The following IGF1R variants were observed in gnomAD, a reference collection of about 807,000 sequenced individuals.
IGF1R encodes insulin-like growth factor 1 receptor.
Under a neutral mutation model 144.6 loss-of-function variants are expected in IGF1R, and 44 were observed. That is an observed-to-expected ratio of 0.30 (90% CI 0.24 to 0.39). The LOEUF is 0.39. Ranked by LOEUF, IGF1R falls within the 10% of genes least tolerant of loss-of-function variation. The probability of loss-of-function intolerance (pLI) is 1.00; values close to 1 mark genes in which losing one functional copy is unlikely to be tolerated. For missense variants in IGF1R, 1,355 were observed against 1,833.7 expected, an observed-to-expected ratio of 0.74 and a Z score of 4.77; for synonymous variants, 795 against 722.8, an observed-to-expected ratio of 1.10 and a Z score of -1.60.
intron 10 of IGF1R, 46 bp from the exon 11 acceptor site, chr15:98,922,102 A>G (rs1042973731): frequency 4.4e-6 from 7 of 1,605,564 alleles, no homozygotes; most frequent in Non-Finnish European, 6.0e-6. Flanking sequence ...AGAAAAGACA[A>G]AAGAGGTAAA....
chr15:98,912,997 T>C, intron 7 of IGF1R, 47 bp from the exon 8 acceptor site: 1 of 1,363,062 alleles, frequency 7.3e-7, no homozygotes, highest in South Asian at 1.2e-5. Context: ...TTTTGAGGGT[T>C]TTGATGTCAG....
chr15:98,884,845 T>C (rs1308505032), intron 2 of IGF1R, among the ~76,000 whole-genome samples: 2 of 152,128 alleles, frequency 1.3e-5, no homozygotes, highest in African/African-American at 4.8e-5. Context: ...TAAAATAGTA[T>C]TTTTCCTCTT....
chr15:98,745,334 C>G (rs745642428), intron 2 of IGF1R, among the ~76,000 whole-genome samples: 1 of 152,236 alleles, frequency 6.6e-6, no homozygotes, highest in Non-Finnish European at 1.5e-5. Flanking sequence ...ACTAGCCGCA[C>G]TAAGCACTTC....
intron 2 of IGF1R, among the ~76,000 whole-genome samples, chr15:98,807,605 G>T (rs1348371170): frequency 1.3e-5 from 2 of 152,216 alleles, no homozygotes; most frequent in African/African-American, 2.4e-5. Flanking sequence ...TGAGACTCAT[G>T]CCTCTGTTTC....
chr15:98,856,401 T>C (rs998528195), intron 2 of IGF1R, among the ~76,000 whole-genome samples: 3 of 152,246 alleles, frequency 2.0e-5, no homozygotes, highest in Non-Finnish European at 4.4e-5. Context: ...AGCTTTGGTT[T>C]CCTCCTCCTG....
intron 2 of IGF1R, among the ~76,000 whole-genome samples, chr15:98,808,224 G>T (rs1463806912): frequency 6.6e-6 from 1 of 152,180 alleles, no homozygotes; most frequent in Non-Finnish European, 1.5e-5. Flanking sequence ...AAAATAATAA[G>T]ATACTGGGAG....
intron 2 of IGF1R, among the ~76,000 whole-genome samples, chr15:98,817,391 A>G (rs1267240362): frequency 1.3e-5 from 2 of 152,010 alleles, no homozygotes; most frequent in African/African-American, 4.8e-5. Context: ...AGAGAATAAT[A>G]AGCTAGTGAT....
intron 2 of IGF1R, among the ~76,000 whole-genome samples, chr15:98,734,136 A>T (rs959012761): frequency 2.0e-5 from 3 of 152,168 alleles, no homozygotes; most frequent in Non-Finnish European, 4.4e-5. Flanking sequence ...TTGTTGTTGC[A>T]CTGTAATTTC....
At chr15:98,680,755 AGAAATG>A (rs1158319889) in intron 1 of IGF1R, among the ~76,000 whole-genome samples, 1 of 151,966 alleles carries the variant, frequency 6.6e-6, no homozygotes, top group African/African-American at 2.4e-5. Flanking sequence ...AATTTTTTGT[AGAAATG>A]GAATCTCACT....
chr15:98,816,165 C>A (rs907496639), intron 2 of IGF1R, among the ~76,000 whole-genome samples: 31 of 152,156 alleles, frequency 2.0e-4, no homozygotes, highest in African/African-American at 7.0e-4. Flanking sequence ...TTCACAGTGG[C>A]CCTAATCATG....
chr15:98,769,661 T>G (rs1004238784), intron 2 of IGF1R, among the ~76,000 whole-genome samples: 21 of 152,260 alleles, frequency 1.4e-4, no homozygotes, highest in African/African-American at 4.8e-4. Context: ...ATTGCTGGCA[T>G]TTGTGAGAAA....
At chr15:98,743,294 A>G (rs190140689) in intron 2 of IGF1R, among the ~76,000 whole-genome samples, 1 of 152,326 alleles carries the variant, frequency 6.6e-6, no homozygotes, top group African/African-American at 2.4e-5. Flanking sequence ...CCAAGTTCTT[A>G]CAATGTACCT....
chr15:98,683,360 T>G (rs1483641744), intron 1 of IGF1R, among the ~76,000 whole-genome samples: 1 of 152,218 alleles, frequency 6.6e-6, no homozygotes, highest in Non-Finnish European at 1.5e-5. Context: ...CACGATCTGA[T>G]GTTCTCCAGT....
chr15:98,665,964 A>G (rs1859227629), intron 1 of IGF1R, among the ~76,000 whole-genome samples: 2 of 152,238 alleles, frequency 1.3e-5, no homozygotes, highest in Non-Finnish European at 2.9e-5. Context: ...TTTGCAAGGA[A>G]AACAAAAGTG....
intron 13 of IGF1R, 28 bp downstream of exon 13, chr15:98,924,712 TGG>T: frequency 6.3e-7 from 1 of 1,598,054 alleles, no homozygotes; most frequent in African/African-American, 1.4e-5. Context: ...AGAAGAAACG[TGG>T]TAAAACTGAA....
chr15:98,716,307 GGTCTCTCTCTCT>G (rs748192778), intron 2 of IGF1R, among the ~76,000 whole-genome samples: 76 of 152,034 alleles, frequency 5.0e-4, no homozygotes, highest in Non-Finnish European at 8.7e-4. Context: ...CGTGTTGCTT[GGTCTCTCTCTCT>G]GTCTCTCTCT....
intron 10 of IGF1R, among the ~76,000 whole-genome samples, chr15:98,918,944 C>T (rs945039246): frequency 6.6e-6 from 1 of 152,048 alleles, no homozygotes; most frequent in African/African-American, 2.4e-5. Flanking sequence ...TCCTAGCCTG[C>T]CCCGCTGGGG....
rs1202883085 is a variant in IGF1R at position 98,863,710 on chromosome 15, G to A, written c.641-27615G>A. On this transcript the variant is annotated intron_variant, in intron 2 of 20. Coordinates refer to ENST00000650285, the MANE Select transcript of IGF1R (RefSeq NM_000875.5). ...TGTTCTTGCCCTTTCTCCCTACAAA[G>A]GAGGTGAAGAAGATGACAGGAGATG... is the stretch of plus-strand genomic sequence containing the variant. Among the ~76,000 whole-genome samples the A allele has an allele frequency of 2.0e-5, 3 of 152,328 alleles. No homozygotes were observed. In the East Asian group the frequency reaches 5.8e-4, roughly 29 times the overall value.
intron 15 of IGF1R, among the ~76,000 whole-genome samples, chr15:98,932,785 C>A (rs1002270409): frequency 3.9e-5 from 6 of 152,150 alleles, no homozygotes; most frequent in African/African-American, 1.4e-4. Context: ...GAGTTCCATT[C>A]GTGAAACCCT....
Sources: allele counts gnomAD v4.1 joint callset (sites outside exome capture counted in the v4.1 genomes callset), GRCh38; gene constraint gnomAD v4.1.1; transcripts MANE v1.5; gene names NCBI Gene and HGNC (gene_info 2026-07-23, HGNC 2026-07-21).